MYO5B: variants seen among roughly 807,000 people sequenced by gnomAD.
The protein encoded by MYO5B is unconventional myosin-Vb.
Under a neutral mutation model 229.3 loss-of-function variants are expected in MYO5B, and 143 were observed. The observed-to-expected ratio is 0.62, with a 90% CI of 0.54 to 0.72. The LOEUF (loss-of-function observed/expected upper bound fraction) is 0.72, where lower values mean the gene tolerates loss of function less well. Among genes scored for constraint, MYO5B ranks in the 30% least tolerant of loss-of-function variants. MYO5B has a pLI of 0.00. For missense variants in MYO5B, 2,321 were observed against 2,331.0 expected, an observed-to-expected ratio of 1.00 and a Z score of 0.09; for synonymous variants, 918 against 885.2, an observed-to-expected ratio of 1.04 and a Z score of -0.66.
At chr18:49,835,454 A>G in intron 38 of MYO5B, 30 bp from the exon 39 acceptor site, 1 of 1,392,406 alleles carries the variant, frequency 7.2e-7, no homozygotes, top group Non-Finnish European at 1.0e-6. Flanking sequence ...AATTTAGCAC[A>G]GAGCTAAATG....
intron 1 of MYO5B, among the ~76,000 whole-genome samples, chr18:50,095,927 G>A (rs1452146683): frequency 6.6e-6 from 1 of 152,144 alleles, no homozygotes; most frequent in African/African-American, 2.4e-5. Flanking sequence ...AGAATTATTT[G>A]AAAGTCAAAT....
At chr18:50,085,619 T>C (rs2031313580) in intron 1 of MYO5B, among the ~76,000 whole-genome samples, 2 of 152,182 alleles carry the variant, frequency 1.3e-5, no homozygotes, top group Non-Finnish European at 2.9e-5. Context: ...TGCACACATA[T>C]GTTTTTTGCG....
chr18:49,965,396 GGACATTT>G (rs1568050707), intron 10 of MYO5B, among the ~76,000 whole-genome samples: 3 of 150,368 alleles, frequency 2.0e-5, no homozygotes, highest in Non-Finnish European at 4.4e-5. Context: ...AAGAAGAGAT[GGACATTT>G]TCCATCTCTT....
Position 49,853,603 on chromosome 18 carries a change from T to TC in MYO5B, c.4066dup (p.Glu1356GlyfsTer55). 1 of 1,613,892 alleles carries TC rather than the reference T, an allele frequency of 6.2e-7. No individual in the cohort carries two copies. Among genetic ancestry groups the TC allele is most frequent in the South Asian group, 1.1e-5 (1 of 91,074 alleles). On this transcript the variant is annotated frameshift_variant, in exon 31 of 40. Transcript: ENST00000285039. LOFTEE classifies it high-confidence loss of function. ...CTGAGCCTTGAGATGCTCCACCTCC[T>TC]CCTCATGCTCCAGGCTCTGGGCCTG...
chr18:50,155,596 A>G (rs1305093673), intron 1 of MYO5B, among the ~76,000 whole-genome samples: 1 of 152,248 alleles, frequency 6.6e-6, no homozygotes, highest in Non-Finnish European at 1.5e-5. Context: ...AAGAGTCATT[A>G]AATTGTTTTG....
chr18:50,159,015 C>T (rs1288454106), intron 1 of MYO5B, among the ~76,000 whole-genome samples: 1 of 152,194 alleles, frequency 6.6e-6, no homozygotes, highest in Non-Finnish European at 1.5e-5. Flanking sequence ...GCAAATTCTA[C>T]AGCTCCTTTC....
At chr18:50,005,025 C>G (rs2026086544) in intron 4 of MYO5B, among the ~76,000 whole-genome samples, 1 of 152,188 alleles carries the variant, frequency 6.6e-6, no homozygotes, top group East Asian at 1.9e-4. Flanking sequence ...ACTCTGATCC[C>G]TGAAGCCCAA....
intron 1 of MYO5B, among the ~76,000 whole-genome samples, chr18:50,176,652 T>C (rs2033000938): frequency 6.6e-6 from 1 of 152,156 alleles, no homozygotes; most frequent in Admixed American, 6.5e-5. Context: ...CCACTCAGAG[T>C]TCACCCAAGG....
In MYO5B at chr18:49,826,445, C is replaced by A; in HGVS notation, c.*26G>T. ...CTTCCTTCTTGCTCACATTGGGAAT[C>A]AAACTAATGCTGGAAACATGCATCT... On this transcript the variant is annotated 3_prime_UTR_variant, in exon 40 of 40. Coordinates refer to ENST00000285039, the MANE Select transcript of MYO5B (RefSeq NM_001080467.3). 2 of 1,613,180 alleles carry A rather than the reference C, an allele frequency of 1.2e-6. No homozygotes were observed. The highest frequency in any genetic ancestry group is 2.2e-5 in the South Asian group (2 of 91,034).
At chr18:50,059,244 T>C (rs2030626959) in intron 1 of MYO5B, among the ~76,000 whole-genome samples, 1 of 152,218 alleles carries the variant, frequency 6.6e-6, no homozygotes, top group Non-Finnish European at 1.5e-5. Flanking sequence ...ACCTGGTTTA[T>C]ACCTAAAACA....
intron 14 of MYO5B, among the ~76,000 whole-genome samples, chr18:49,943,114 G>A (rs914898354): frequency 8.6e-5 from 13 of 150,632 alleles, no homozygotes; most frequent in African/African-American, 1.2e-4. Context: ...ACTATCACAA[G>A]GACAAAAAAC....
chr18:49,842,414 C>T (rs2024069670), intron 34 of MYO5B, among the ~76,000 whole-genome samples: 1 of 152,220 alleles, frequency 6.6e-6, no homozygotes. Flanking sequence ...TGAGCAGCAA[C>T]CAGCAGCTCA....
chr18:50,066,653 C>T (rs912680370), intron 1 of MYO5B, among the ~76,000 whole-genome samples: 1 of 152,210 alleles, frequency 6.6e-6, no homozygotes, highest in Non-Finnish European at 1.5e-5. Context: ...AATCAACACA[C>T]ACACTGAGTT....
At chr18:50,112,038 C>T (rs530611687) in intron 1 of MYO5B, among the ~76,000 whole-genome samples, 165 of 152,226 alleles carry the variant, frequency 1.1e-3, no homozygotes, top group Non-Finnish European at 2.0e-3. Context: ...GAGACATCTG[C>T]TATGAAGAAA....
intron 5 of MYO5B, among the ~76,000 whole-genome samples, chr18:49,996,339 T>G (rs2025986813): frequency 6.6e-6 from 1 of 152,186 alleles, no homozygotes; most frequent in African/African-American, 2.4e-5. Flanking sequence ...CTTAGAGAAA[T>G]TCTCACATAA....
chr18:49,969,918 T>G (rs1014008671), intron 10 of MYO5B: 1 of 152,254 alleles, frequency 6.6e-6, no homozygotes, highest in Non-Finnish European at 1.5e-5. Flanking sequence ...CCAGGCCAAC[T>G]GTCCTCCGCA....
At chr18:50,043,402 T>C (rs2030101915) in intron 2 of MYO5B, among the ~76,000 whole-genome samples, 1 of 49,316 alleles carries the variant, frequency 2.0e-5, no homozygotes, top group South Asian at 5.8e-4. Context: ...TTTAAATATA[T>C]TAAATATTAA....
intron 1 of MYO5B, among the ~76,000 whole-genome samples, chr18:50,094,607 C>T (rs2031514369): frequency 6.6e-6 from 1 of 152,078 alleles, no homozygotes; most frequent in African/African-American, 2.4e-5. Context: ...TACACTGCTG[C>T]CCCATGGGAA....
chr18:49,997,369 C>CTTTTTTTTTTTTTTTTTTTTTTT (rs34011258), intron 5 of MYO5B, among the ~76,000 whole-genome samples: 21 of 60,354 alleles, frequency 3.5e-4, no homozygotes, highest in African/African-American at 1.3e-3. Flanking sequence ...TCCTTTCTTT[C>CTTTTTTTTTTTTTTTTTTTTTTT]TTTTTTTTTT....
Sources: allele counts gnomAD v4.1 joint callset (sites outside exome capture counted in the v4.1 genomes callset), GRCh38; gene constraint gnomAD v4.1.1; transcripts MANE v1.5; gene names NCBI Gene and HGNC (gene_info 2026-07-23, HGNC 2026-07-21).